PLXNA4: variants seen among roughly 807,000 people sequenced by gnomAD.
PLXNA4 encodes plexin-A4.
In PLXNA4, 44 loss-of-function variants were observed where a neutral mutation model predicts 191.8. The observed-to-expected ratio is 0.23, with a 90% confidence interval of 0.18 to 0.29. PLXNA4 has a LOEUF of 0.29. PLXNA4 is among the 10% of genes least tolerant of loss of function. The probability of loss-of-function intolerance (pLI) is 1.00; values close to 1 mark genes in which losing one functional copy is unlikely to be tolerated. For synonymous variants in PLXNA4, 1,082 were observed against 1,009.5 expected, an observed-to-expected ratio of 1.07 and a Z score of -1.36; for missense variants, 1,800 against 2,488.8, an observed-to-expected ratio of 0.72 and a Z score of 5.89.
rs757822655 is a variant in PLXNA4, at chr7:132,168,301, C to T, written c.4286+3G>A. On this transcript the variant is annotated splice_donor_region_variant and intron_variant, in intron 22 of 31. Coordinates refer to ENST00000321063, the MANE Select transcript of PLXNA4 (RefSeq NM_020911.2). Reference sequence around the variant, plus strand: ...AGCAGGGTGCCCCAGACTGCACCCTCACCTCCTGAGCAGCAGCTTAGGGTG... The same window carrying T: ...AGCAGGGTGCCCCAGACTGCACCCTTACCTCCTGAGCAGCAGCTTAGGGTG... 1 of 1,538,338 alleles carries T rather than the reference C, an allele frequency of 6.5e-7. No homozygotes were observed. The highest frequency in any genetic ancestry group is 8.8e-7 in the Non-Finnish European group (1 of 1,138,416).
At chr7:132,392,190 T>C (rs766397960) in intron 3 of PLXNA4, among the ~76,000 whole-genome samples, 3 of 152,030 alleles carry the variant, frequency 2.0e-5, no homozygotes, top group Admixed American at 6.6e-5. Context: ...GAATTACTCA[T>C]TGATATTTCT....
chr7:132,631,090 AAATT>A (rs1438180551), intron 2 of PLXNA4, among the ~76,000 whole-genome samples: 6 of 152,200 alleles, frequency 3.9e-5, no homozygotes, highest in Non-Finnish European at 4.4e-5. Flanking sequence ...CACTTGCATA[AAATT>A]TCTTTGAAAT....
intron 4 of PLXNA4, among the ~76,000 whole-genome samples, chr7:132,268,410 T>A (rs1341881015): frequency 6.6e-6 from 1 of 152,248 alleles, no homozygotes; most frequent in Non-Finnish European, 1.5e-5. Flanking sequence ...AATATAAGAC[T>A]GGCTTTCTGC....
chr7:132,384,431 T>A, intron 3 of PLXNA4: 2 of 985,612 alleles, frequency 2.0e-6, no homozygotes, highest in Non-Finnish European at 2.4e-6. Context: ...CCACCGGCTC[T>A]ATGGGGGAAT....
In PLXNA4 at chr7:132,214,748, A is replaced by T. The variant is rs995529765; in HGVS notation, c.2098-3605T>A. 3.5e-4 allele frequency among the ~76,000 whole-genome samples: 54 copies of T among 152,166 alleles called. 1 individual carries two copies. The highest frequency in any genetic ancestry group is 1.9e-4 in the East Asian group (1 of 5,152). ...TTTATCTTCACCTTGAAGGCTTCTCACCCAGCAGGAGTCTGGCTGGGAATC... is the reference window on the plus strand; with the variant it reads ...TTTATCTTCACCTTGAAGGCTTCTCTCCCAGCAGGAGTCTGGCTGGGAATC... On this transcript the variant is annotated intron_variant, in intron 9 of 31. Coordinates refer to ENST00000321063, the MANE Select transcript of PLXNA4 (RefSeq NM_020911.2).
Position 132,168,389 on chromosome 7 carries a change from C to T in PLXNA4, c.4201G>A (p.Ala1401Thr), listed in dbSNP as rs73155258. 2,741 of 1,613,084 alleles carry T rather than the reference C, an allele frequency of 1.7e-3. 6 individuals are homozygous for T. Among genetic ancestry groups the T allele is most frequent in the Non-Finnish European group, 1.4e-3 (1,617 of 1,179,362 alleles). ...MTVLQSKLEY[A>T]TDVLKQLLAD... is the part of the protein sequence containing the mutation. Reference sequence around the variant, plus strand: ...AGCAGCTGCTTCAGCACATCAGTGGCGTACTCCAGCTTGCTCTGCAGCACG... The same window carrying T: ...AGCAGCTGCTTCAGCACATCAGTGGTGTACTCCAGCTTGCTCTGCAGCACG... Residue 1401 changes from alanine to threonine, a missense_variant, in exon 22 of 32, where the codon GCC becomes ACC. Around this residue, in one of 6 missense-constraint regions of PLXNA4, gnomAD observed 1,397 missense variants for 1,880.4 expected, o/e 0.74. Transcript: ENST00000321063.
At chr7:132,279,329 C>T (rs1444034115) in intron 4 of PLXNA4, among the ~76,000 whole-genome samples, 1 of 152,066 alleles carries the variant, frequency 6.6e-6, no homozygotes, top group Non-Finnish European at 1.5e-5. Context: ...GGTTGGAAAG[C>T]ATTGATCTGC....
intron 1 of PLXNA4, among the ~76,000 whole-genome samples, chr7:132,533,925 C>CTATTAT (rs61158936): frequency 0.019 from 2,909 of 150,066 alleles, 77 homozygotes; most frequent in African/African-American, 0.063. Context: ...AAGGATATTA[C>CTATTAT]TATTATTATT....
chr7:132,599,142 A>T (rs1802771521), intron 2 of PLXNA4, among the ~76,000 whole-genome samples: 1 of 152,036 alleles, frequency 6.6e-6, no homozygotes, highest in Admixed American at 6.5e-5. Flanking sequence ...TTTTGCTACC[A>T]CGTGTTTCTA....
At chr7:132,407,839 C>A (rs1237064537) in intron 3 of PLXNA4, among the ~76,000 whole-genome samples, 1 of 152,134 alleles carries the variant, frequency 6.6e-6, no homozygotes, top group Non-Finnish European at 1.5e-5. Context: ...TTTTATACAT[C>A]GGAAACAAGA....
chr7:132,540,569 CTTTTTTTTTT>C (rs71915138), intron 1 of PLXNA4, among the ~76,000 whole-genome samples: 8 of 61,004 alleles, frequency 1.3e-4, no homozygotes, highest in South Asian at 1.0e-3. Flanking sequence ...GTGGACCGTT[CTTTTTTTTTT>C]TTTTTTTTTT....
intron 13 of PLXNA4, 115 bp from the exon 14 acceptor site, chr7:132,194,294 G>A: frequency 6.9e-7 from 1 of 1,446,924 alleles, no homozygotes; most frequent in Admixed American, 2.2e-5. Flanking sequence ...GGATGGCCAG[G>A]TAGGGGAGGA....
intron 3 of PLXNA4, among the ~76,000 whole-genome samples, chr7:132,326,484 C>T (rs537418701): frequency 6.6e-6 from 1 of 152,126 alleles, no homozygotes; most frequent in Admixed American, 6.5e-5. Flanking sequence ...GTCTGGCCCC[C>T]TCTCTGTCCT....
intron 5 of PLXNA4, among the ~76,000 whole-genome samples, chr7:132,240,677 G>GA (rs1798847835): frequency 6.6e-6 from 1 of 152,200 alleles, no homozygotes; most frequent in Admixed American, 6.5e-5. Context: ...AGAAGCTACA[G>GA]AAAAAAAGAT....
At chr7:132,130,872 C>G (rs1484801640) in intron 31 of PLXNA4, among the ~76,000 whole-genome samples, 5 of 152,174 alleles carry the variant, frequency 3.3e-5, no homozygotes, top group African/African-American at 1.2e-4. Context: ...AGGGCAGAAG[C>G]TCTGCTGAAA....
intron 6 of PLXNA4, 78 bp downstream of exon 6, chr7:132,228,268 T>G: frequency 1.3e-6 from 2 of 1,587,942 alleles, no homozygotes; most frequent in Admixed American, 1.7e-5. Flanking sequence ...CAGAGGGGCC[T>G]TGGGCTAAGG....
At chr7:132,312,149 AAAT>A (rs56273116) in intron 3 of PLXNA4, among the ~76,000 whole-genome samples, 2,693 of 149,508 alleles carry the variant, frequency 0.018, 80 homozygotes, top group African/African-American at 0.063. Flanking sequence ...CCTTGAAGGA[AAAT>A]AATAATAATA....
intron 2 of PLXNA4, among the ~76,000 whole-genome samples, chr7:132,642,067 C>T (rs987211021): frequency 1.3e-5 from 2 of 152,018 alleles, no homozygotes; most frequent in Non-Finnish European, 2.9e-5. Context: ...AAATTTGCTT[C>T]TATATAATAT....
intron 3 of PLXNA4, among the ~76,000 whole-genome samples, chr7:132,372,014 C>A (rs1804461731): frequency 6.6e-6 from 1 of 152,222 alleles, no homozygotes; most frequent in African/African-American, 2.4e-5. Context: ...GCCATCGCCT[C>A]TAGATTGACA....
Sources: gnomAD v4.1 joint callset for allele counts (sites outside exome capture counted in the v4.1 genomes callset) on GRCh38, gnomAD v4.1.1 for gene constraint, gnomAD v4.1.1 regional missense constraint, MANE v1.5 for transcripts, NCBI Gene and HGNC (gene_info 2026-07-23, HGNC 2026-07-21) for gene names.